Variants in GMDS observed in about 807,000 individuals in gnomAD.
GMDS encodes the protein GDP-mannose 4,6 dehydratase.
A neutral mutation model predicts 49.9 loss-of-function variants in GMDS; 20 were observed. The observed-to-expected ratio is 0.40, with a 90% CI of 0.28 to 0.58. The LOEUF is 0.58. Among genes scored for constraint, GMDS ranks in the 20% least tolerant of loss-of-function variants. GMDS has a pLI of 0.42. For synonymous variants in GMDS, 177 were observed against 178.6 expected (o/e 0.99, Z 0.07); for missense variants, 362 against 481.4 (o/e 0.75, Z 2.32).
chr6:2,011,813 C>T (rs1029547819), intron 4 of GMDS, among the ~76,000 whole-genome samples: 2 of 152,122 alleles, frequency 1.3e-5, no homozygotes, highest in Non-Finnish European at 1.5e-5. Context: ...GTCCTGGCTA[C>T]GTGGGAGGCT....
intron 7 of GMDS, among the ~76,000 whole-genome samples, chr6:1,797,763 C>G (rs966644083): frequency 9.9e-5 from 15 of 152,146 alleles, no homozygotes; most frequent in Non-Finnish European, 2.2e-4. Context: ...AAATTATGTT[C>G]CAAGGGACAC....
chr6:1,886,598 T>C (rs191265261), intron 7 of GMDS, among the ~76,000 whole-genome samples: 53 of 152,208 alleles, frequency 3.5e-4, no homozygotes, highest in African/African-American at 1.3e-3. Context: ...ATGACCACCT[T>C]ACTTATTTAA....
At chr6:1,780,363 A>G (rs906916292) in intron 7 of GMDS, among the ~76,000 whole-genome samples, 4 of 152,298 alleles carry the variant, frequency 2.6e-5, no homozygotes, top group Admixed American at 2.6e-4. Flanking sequence ...CAAGGATGCT[A>G]GAAGACACAC....
At chr6:1,946,131 G>T (rs1285816510) in intron 6 of GMDS, among the ~76,000 whole-genome samples, 1 of 151,984 alleles carries the variant, frequency 6.6e-6, no homozygotes, top group African/African-American at 2.4e-5. Context: ...TGAAAAATAA[G>T]GAAAGGAAAG....
rs1765019238 is a variant in GMDS, at chr6:1,687,540, TGTGTTCCAGGCACCGTCCTTCTCC to T, written c.987+38852_987+38875del. Among the ~76,000 whole-genome samples the T allele has an allele frequency of 1.5e-3, 4 of 2,720 alleles. No individual in the cohort carries two copies. In the South Asian group the frequency reaches 0.049, roughly 33 times the overall value. 1.8% of individuals were successfully genotyped at this position (2,720 alleles called of 152,430 possible). A position where few individuals can be genotyped will look rare whatever the true frequency, so the allele number is the denominator to read the frequency against. Reference sequence around the variant, plus strand: ...ACTCAGCAGGCCATCAGCAAGCTCCTGTGTTCCAGGCACCGTCCTTCTCCTGTGTTCCAGGCACCGTCCTTGACA... The same window carrying T: ...ACTCAGCAGGCCATCAGCAAGCTCCTTGTGTTCCAGGCACCGTCCTTGACA... On this transcript the variant is annotated intron_variant, in intron 9 of 10. Coordinates refer to ENST00000380815, the MANE Select transcript of GMDS (RefSeq NM_001500.4).
At chr6:1,913,692 A>T (rs1761200800) in intron 7 of GMDS, among the ~76,000 whole-genome samples, 2 of 152,210 alleles carry the variant, frequency 1.3e-5, no homozygotes, top group Non-Finnish European at 2.9e-5. Context: ...GAATTCTAAG[A>T]CCACCAGTGA....
At chr6:1,743,803 A>G (rs1485741451) in intron 7 of GMDS, among the ~76,000 whole-genome samples, 1 of 151,258 alleles carries the variant, frequency 6.6e-6, no homozygotes, top group African/African-American at 2.4e-5. Flanking sequence ...CAGGAATCCA[A>G]CAGGAATATG....
intron 1 of GMDS, among the ~76,000 whole-genome samples, chr6:2,213,791 G>A (rs1276787566): frequency 6.6e-6 from 1 of 152,106 alleles, no homozygotes; most frequent in African/African-American, 2.4e-5. Context: ...GGGGGAGAAG[G>A]GGTAAACTAA....
intron 7 of GMDS, among the ~76,000 whole-genome samples, chr6:1,822,297 G>C (rs945851706): frequency 6.6e-5 from 10 of 152,202 alleles, no homozygotes; most frequent in African/African-American, 2.4e-4. Flanking sequence ...ATTTTAAAGT[G>C]TGTGATGGCT....
intron 7 of GMDS, among the ~76,000 whole-genome samples, chr6:1,780,797 C>T (rs1041770719): frequency 6.6e-6 from 1 of 152,222 alleles, no homozygotes; most frequent in African/African-American, 2.4e-5. Context: ...ACTTCGCCAT[C>T]TTGTTTTGCT....
intron 9 of GMDS, among the ~76,000 whole-genome samples, chr6:1,678,578 TA>T (rs985616814): frequency 4.6e-5 from 7 of 152,144 alleles, no homozygotes; most frequent in African/African-American, 1.7e-4. Context: ...AATGGACTTT[TA>T]TTTTTTTTTT....
rs771650335 is a variant in GMDS, at chr6:2,117,538, G to A, written c.166C>T (p.Arg56Trp). ...CGACCCGTATTAAATGAACTGGACC[G>A]CCGTACAATTCCATGGACCTGAGTT... ...KGYEVHGIVR[R>W]SSSFNTGRIE... Residue 56 changes from arginine (R) to tryptophan (W), a missense_variant, in exon 3 of 11, where the codon CGG becomes TGG. By Grantham distance (101) the Arg-to-Trp change is moderately radical. Transcript: ENST00000380815. 20 of 1,603,202 alleles carry A rather than the reference G, an allele frequency of 1.2e-5. No homozygotes were observed. Among genetic ancestry groups the A allele is most frequent in the East Asian group, 4.5e-5 (2 of 44,828 alleles).
At chr6:1,918,992 A>G (rs1761566672) in intron 7 of GMDS, among the ~76,000 whole-genome samples, 1 of 152,220 alleles carries the variant, frequency 6.6e-6, no homozygotes, top group Non-Finnish European at 1.5e-5. Flanking sequence ...GTCTTGTGCT[A>G]GCTAAAGAAA....
chr6:1,734,934 T>A (rs910950372), intron 8 of GMDS, among the ~76,000 whole-genome samples: 1 of 152,252 alleles, frequency 6.6e-6, no homozygotes, highest in Non-Finnish European at 1.5e-5. Context: ...TGAACAGATC[T>A]TCTGACGCAG....
chr6:2,185,605 G>T (rs1453433018), intron 1 of GMDS, among the ~76,000 whole-genome samples: 1 of 152,142 alleles, frequency 6.6e-6, no homozygotes, highest in Non-Finnish European at 1.5e-5. Flanking sequence ...TACCAAGGCT[G>T]CCCTGTGTCA....
intron 4 of GMDS, among the ~76,000 whole-genome samples, chr6:1,984,259 T>C (rs1047118327): frequency 1.3e-5 from 2 of 152,096 alleles, no homozygotes; most frequent in South Asian, 4.1e-4. Flanking sequence ...TCGGGAAGAA[T>C]AGCTAATGAA....
chr6:2,106,414 T>C (rs1212539505), intron 4 of GMDS, among the ~76,000 whole-genome samples: 1 of 152,230 alleles, frequency 6.6e-6, no homozygotes, highest in East Asian at 1.9e-4. Flanking sequence ...TCATATTTAA[T>C]ATCAAGCTTT....
intron 1 of GMDS, among the ~76,000 whole-genome samples, chr6:2,185,682 A>G (rs536612090): frequency 1.8e-4 from 28 of 152,180 alleles, no homozygotes; most frequent in Non-Finnish European, 2.8e-4. Context: ...GCCACCCAAG[A>G]TGTAATCAAT....
chr6:1,758,481 G>A (rs371768054), intron 7 of GMDS, among the ~76,000 whole-genome samples: 2 of 152,214 alleles, frequency 1.3e-5, no homozygotes, highest in South Asian at 4.1e-4. Flanking sequence ...CTGGAGTTTG[G>A]TGAAATGTAG....
Sources: gnomAD v4.1 joint callset for allele counts (sites outside exome capture counted in the v4.1 genomes callset) on GRCh38, gnomAD v4.1.1 for gene constraint, MANE v1.5 for transcripts, NCBI Gene and HGNC (gene_info 2026-07-23, HGNC 2026-07-21) for gene names.